The following TRERF1 variants were observed in gnomAD, a reference collection of about 807,000 sequenced individuals.
The protein encoded by TRERF1 is transcriptional regulating factor 1.
Under a neutral mutation model 122.9 loss-of-function variants are expected in TRERF1, and 27 were observed. The ratio of observed to expected loss-of-function variants is 0.22; its 90% CI spans 0.16 to 0.30. TRERF1 has a LOEUF of 0.30. TRERF1 is among the 10% of genes least tolerant of loss of function. TRERF1 has a pLI of 1.00. For missense variants in TRERF1, 1,248 were observed against 1,560.3 expected, an observed-to-expected ratio of 0.80 and a Z score of 3.37; for synonymous variants, 636 against 641.7, an observed-to-expected ratio of 0.99 and a Z score of 0.13.
At chr6:42,236,493 AG>A in intron 15 of TRERF1, 82 bp from the exon 16 acceptor site, 2 of 1,500,258 alleles carry the variant, frequency 1.3e-6, no homozygotes, top group Non-Finnish European at 1.8e-6. Flanking sequence ...AGATCAACAG[AG>A]GAGAGAGGGG....
chr6:42,336,666 T>C (rs1305817154), intron 3 of TRERF1, among the ~76,000 whole-genome samples: 3 of 152,160 alleles, frequency 2.0e-5, no homozygotes, highest in Non-Finnish European at 4.4e-5. Context: ...TATCAGACCG[T>C]TCACCTCCCA....
intron 2 of TRERF1, among the ~76,000 whole-genome samples, chr6:42,426,929 T>A: frequency 6.6e-6 from 1 of 152,156 alleles, no homozygotes. Flanking sequence ...ATTATATACA[T>A]TTAAAACCTT....
At chr6:42,439,539 G>A (rs184994576) in intron 2 of TRERF1, among the ~76,000 whole-genome samples, 10 of 152,206 alleles carry the variant, frequency 6.6e-5, no homozygotes, top group Admixed American at 4.6e-4. Flanking sequence ...AGCTGAGATC[G>A]CACTGCTGCA....
intron 3 of TRERF1, among the ~76,000 whole-genome samples, chr6:42,305,560 A>G (rs1787053416): frequency 6.6e-6 from 1 of 152,188 alleles, no homozygotes; most frequent in South Asian, 2.1e-4. Context: ...TGCAGCCACA[A>G]GGCCGTTGAA....
intron 3 of TRERF1, among the ~76,000 whole-genome samples, chr6:42,317,893 C>T (rs150046362): frequency 3.3e-5 from 5 of 152,176 alleles, no homozygotes; most frequent in South Asian, 2.1e-4. Flanking sequence ...GTGGCTCACA[C>T]CTGTAATCCC....
chr6:42,333,996 A>T (rs1765681509), intron 3 of TRERF1, among the ~76,000 whole-genome samples: 1 of 49,286 alleles, frequency 2.0e-5, no homozygotes, highest in Non-Finnish European at 3.8e-5. Flanking sequence ...ACACACATAC[A>T]CTACACACAC....
chr6:42,299,892 G>A (rs1304680967), intron 4 of TRERF1, among the ~76,000 whole-genome samples: 1 of 152,234 alleles, frequency 6.6e-6, no homozygotes, highest in Non-Finnish European at 1.5e-5. Context: ...AACGAATGGT[G>A]AATGAATGAT....
rs1582702138 is a variant in TRERF1, at chr6:42,268,783, A to T, written c.808T>A (p.Tyr270Asn). 6.2e-7 allele frequency: 1 copy of T among 1,614,118 alleles called. No individual in the cohort carries two copies. Among genetic ancestry groups the T allele is most frequent in the East Asian group, 2.2e-5 (1 of 44,876 alleles). The change falls in exon 5 of 18, where the codon TAC (tyrosine) becomes AAC (asparagine). Residue 270 changes from tyrosine (Y) to asparagine (N), a missense_variant. Physicochemically the swap from Tyr to Asn is moderately radical, Grantham distance 143. This residue lies in a region of TRERF1 where 946 missense variants were observed against 1,073.0 expected (regional missense o/e 0.88). Coordinates refer to ENST00000372922, the Ensembl canonical transcript of TRERF1. This position sits in a 1 kb window ranked among gnomAD's most constrained non-coding sequence, Gnocchi z 4.4. Reference sequence around the variant, plus strand: ...GCTTGCTGCTGTTGCTGCGGTGGGTAATACTGGTGCTGCTGCATCTGTTGC... The same window carrying T: ...GCTTGCTGCTGTTGCTGCGGTGGGTTATACTGGTGCTGCTGCATCTGTTGC...
chr6:42,313,457 C>T (rs1762002922), intron 3 of TRERF1, among the ~76,000 whole-genome samples: 1 of 152,102 alleles, frequency 6.6e-6, no homozygotes, highest in African/African-American at 2.4e-5. Flanking sequence ...TTCCTTGGAG[C>T]GATTACATAA....
intron 3 of TRERF1, among the ~76,000 whole-genome samples, chr6:42,316,157 G>A (rs1762461074): frequency 6.6e-6 from 1 of 152,138 alleles, no homozygotes; most frequent in Non-Finnish European, 1.5e-5. Flanking sequence ...AAGTCCATGG[G>A]TCTGGGGAAG....
chr6:42,334,711 G>T (rs1004297725), intron 3 of TRERF1, among the ~76,000 whole-genome samples: 7 of 152,186 alleles, frequency 4.6e-5, no homozygotes, highest in African/African-American at 1.7e-4. Flanking sequence ...AAACTCCAAG[G>T]CTCCACCCAG....
intron 9 of TRERF1, 79 bp from the exon 10 acceptor site, chr6:42,258,280 A>G: frequency 6.3e-6 from 8 of 1,274,518 alleles, no homozygotes; most frequent in Non-Finnish European, 9.0e-6. Context: ...GCAGTTACCT[A>G]ACCAGCCATA....
At chr6:42,280,112 C>T (rs540652997) in intron 4 of TRERF1, among the ~76,000 whole-genome samples, 10 of 151,814 alleles carry the variant, frequency 6.6e-5, no homozygotes, top group African/African-American at 1.9e-4. Flanking sequence ...CTGTAAATAC[C>T]GGCGGCGACA....
chr6:42,255,035 C>T (rs933081556), intron 12 of TRERF1, 109 bp from the exon 13 acceptor site: 10 of 1,090,398 alleles, frequency 9.2e-6, no homozygotes, highest in African/African-American at 4.7e-5. Flanking sequence ...AGGTCAGGGG[C>T]GGGGGCACTG....
At chr6:42,382,293 C>CTGA (rs1776077305) in intron 2 of TRERF1, among the ~76,000 whole-genome samples, 1 of 151,784 alleles carries the variant, frequency 6.6e-6, no homozygotes. Flanking sequence ...AAAATGCCAC[C>CTGA]TGATGCATCA....
intron 3 of TRERF1, among the ~76,000 whole-genome samples, chr6:42,317,058 A>T (rs9367140): frequency 0.014 from 2,205 of 152,182 alleles, 48 homozygotes; most frequent in East Asian, 0.074. Context: ...GTAGAGGCTG[A>T]CTCAGCACAC....
intron 2 of TRERF1, among the ~76,000 whole-genome samples, chr6:42,429,753 A>T (rs1784202663): frequency 6.6e-6 from 1 of 152,166 alleles, no homozygotes; most frequent in African/African-American, 2.4e-5. Flanking sequence ...GAACAAACCC[A>T]TTCTAGGAGA....
chr6:42,423,270 T>C (rs1402755408), intron 2 of TRERF1, among the ~76,000 whole-genome samples: 2 of 152,238 alleles, frequency 1.3e-5, no homozygotes, highest in African/African-American at 4.8e-5. Flanking sequence ...TCCTTCTTTG[T>C]CCTTCCACAA....
intron 2 of TRERF1, among the ~76,000 whole-genome samples, chr6:42,382,411 C>T (rs1397750755): frequency 1.4e-5 from 2 of 139,916 alleles, no homozygotes; most frequent in African/African-American, 2.9e-5. Flanking sequence ...TTCTCAAAGA[C>T]GTGATTAAAA....
Sources: gnomAD v4.1 joint callset for allele counts (sites outside exome capture counted in the v4.1 genomes callset) on GRCh38, gnomAD v4.1.1 for gene constraint, gnomAD v4.1.1 regional missense constraint, Gnocchi (gnomAD v3.1) non-coding constraint, MANE v1.5 for transcripts, NCBI Gene and HGNC (gene_info 2026-07-23, HGNC 2026-07-21) for gene names.